DNER: variants seen among roughly 807,000 people sequenced by gnomAD.
DNER encodes delta and Notch-like epidermal growth factor-related receptor.
DNER carries 33 observed loss-of-function variants against 78.2 expected under a neutral mutation model. The observed-to-expected ratio is 0.42, with a 90% CI of 0.32 to 0.56. The LOEUF (loss-of-function observed/expected upper bound fraction) is 0.56. Ranked by LOEUF, DNER falls within the 20% of genes least tolerant of loss-of-function variation. The pLI is 0.11. For synonymous variants in DNER, 417 were observed against 384.8 expected, an observed-to-expected ratio of 1.08 and a Z score of -0.98; for missense variants, 918 against 975.3, an observed-to-expected ratio of 0.94 and a Z score of 0.78.
At chr2:229,478,981 A>G (rs555432199) in intron 6 of DNER, among the ~76,000 whole-genome samples, 107 of 151,990 alleles carry the variant, frequency 7.0e-4, no homozygotes, top group Non-Finnish European at 1.3e-3. Context: ...CCCACTCCCA[A>G]CAGGCCCCAG....
chr2:229,639,527 TA>T (rs1364582334), intron 1 of DNER, among the ~76,000 whole-genome samples: 1 of 152,230 alleles, frequency 6.6e-6, no homozygotes, highest in Non-Finnish European at 1.5e-5. Flanking sequence ...GTGCTGGGAT[TA>T]CAGGCATGAG....
chr2:229,690,236 G>A lies in DNER; in HGVS notation c.276+23912C>T, dbSNP rs142838166. 2.2e-3 allele frequency among the ~76,000 whole-genome samples: 342 copies of A among 152,264 alleles called. 1 individual carries two copies. Among genetic ancestry groups the A allele is most frequent in the African/African-American group, 7.9e-3 (328 of 41,542 alleles). ...ATTTGCATTTTAAAGCTCACCTAGA[G>A]GTCTAATATGTGGCCTGGGTTGAGA... is the stretch of plus-strand genomic sequence containing the variant. On this transcript the variant is annotated intron_variant, in intron 1 of 12. Coordinates refer to ENST00000341772, the MANE Select transcript of DNER (RefSeq NM_139072.4).
chr2:229,588,473 C>T lies in DNER; in HGVS notation c.601G>A (p.Ala201Thr). 1 of 1,523,240 alleles carries T rather than the reference C, an allele frequency of 6.6e-7. No individual in the cohort carries two copies. 94.4% of individuals were successfully genotyped at this position (1,523,240 alleles called of 1,614,324 possible). The change falls in exon 3 of 13, where the codon GCC (alanine) becomes ACC (threonine). Residue 201 changes from alanine (A) to threonine (T), a missense_variant. Physicochemically the swap from Ala to Thr is moderately conservative, Grantham distance 58 (BLOSUM62 0). Coordinates refer to ENST00000341772, the MANE Select transcript of DNER (RefSeq NM_139072.4). ...WDQVEVIPDIACGNASSNSSA... is the reference protein window; with the variant it reads ...WDQVEVIPDITCGNASSNSSA... ...CTGTTAGAACTGGCATTCCCACAGGCAATATCTGGGATCACCTGGGAAGGG... is the reference window on the plus strand; with the variant it reads ...CTGTTAGAACTGGCATTCCCACAGGTAATATCTGGGATCACCTGGGAAGGG...
chr2:229,543,145 C>G (rs1479877911), intron 5 of DNER, among the ~76,000 whole-genome samples: 1 of 150,042 alleles, frequency 6.7e-6, no homozygotes, highest in Non-Finnish European at 1.5e-5. Flanking sequence ...TACCCTAAAA[C>G]TTAAAGTATT....
intron 6 of DNER, among the ~76,000 whole-genome samples, chr2:229,508,811 G>A (rs1397033952): frequency 2.0e-5 from 3 of 152,132 alleles, no homozygotes; most frequent in African/African-American, 7.2e-5. Flanking sequence ...AACCTGGGAG[G>A]CGGAGCTTGC....
At chr2:229,654,058 C>T (rs1698868565) in intron 1 of DNER, among the ~76,000 whole-genome samples, 2 of 152,112 alleles carry the variant, frequency 1.3e-5, no homozygotes, top group African/African-American at 4.8e-5. Flanking sequence ...TGTTGGTGTG[C>T]TGCACCCATT....
chr2:229,601,995 A>G (rs1216577943), intron 1 of DNER, among the ~76,000 whole-genome samples: 3 of 150,364 alleles, frequency 2.0e-5, no homozygotes, highest in African/African-American at 7.5e-5. Context: ...CTCAAATGAA[A>G]TGCTTTTTTT....
chr2:229,396,031 T>C (rs1277827822), intron 10 of DNER, among the ~76,000 whole-genome samples: 2 of 152,200 alleles, frequency 1.3e-5, no homozygotes, highest in African/African-American at 2.4e-5. Context: ...GAGATGTAAA[T>C]TTCCTACCTT....
intron 1 of DNER, among the ~76,000 whole-genome samples, chr2:229,710,051 T>A: frequency 6.6e-6 from 1 of 152,212 alleles, no homozygotes; most frequent in Non-Finnish European, 1.5e-5. Flanking sequence ...ACATTTTTTT[T>A]ATGTAGTGTC....
At position 229,404,699 on chromosome 2, in the gene DNER, A is replaced by AT. The variant is rs556473774; in HGVS notation, c.1723+2532dup. Among the ~76,000 whole-genome samples the AT allele has an allele frequency of 2.4e-3, 360 of 152,294 alleles. 1 individual carries two copies. The highest frequency in any genetic ancestry group is 4.1e-3 in the Non-Finnish European group (281 of 68,026). The stretch of plus-strand genomic sequence containing the variant: ...GATCTGAGTTTGGGGTGTCTCTGAG[A>AT]TTTTCAAGATATATGTGGAGTAGAT... On this transcript the variant is annotated intron_variant, in intron 10 of 12. Coordinates refer to ENST00000341772, the MANE Select transcript of DNER (RefSeq NM_139072.4).
chr2:229,609,498 C>T (rs992817346), intron 1 of DNER, among the ~76,000 whole-genome samples: 2 of 152,226 alleles, frequency 1.3e-5, no homozygotes, highest in African/African-American at 4.8e-5. Context: ...CAACCACACT[C>T]ATTCGTTTTA....
At chr2:229,551,418 G>A (rs1696733926) in intron 4 of DNER, among the ~76,000 whole-genome samples, 2 of 152,018 alleles carry the variant, frequency 1.3e-5, no homozygotes, top group Non-Finnish European at 2.9e-5. Flanking sequence ...TGGATCACCT[G>A]AGGTCAGGAT....
intron 1 of DNER, among the ~76,000 whole-genome samples, chr2:229,652,977 CT>C (rs1360036774): frequency 3.3e-5 from 5 of 152,082 alleles, no homozygotes; most frequent in African/African-American, 1.2e-4. Flanking sequence ...CACACAAAAT[CT>C]TTCTTCTCCC....
chr2:229,427,127 T>C (rs1188000946), intron 8 of DNER, among the ~76,000 whole-genome samples: 1 of 152,204 alleles, frequency 6.6e-6, no homozygotes, highest in Non-Finnish European at 1.5e-5. Flanking sequence ...TAAATTAAAG[T>C]TTTTGACTGT....
intron 1 of DNER, among the ~76,000 whole-genome samples, chr2:229,618,247 T>C (rs1262270303): frequency 6.6e-6 from 1 of 152,134 alleles, no homozygotes; most frequent in African/African-American, 2.4e-5. Context: ...AAATACATAG[T>C]GTTATTACAC....
At chr2:229,480,142 CTT>C (rs1695125318) in intron 6 of DNER, among the ~76,000 whole-genome samples, 1 of 152,178 alleles carries the variant, frequency 6.6e-6, no homozygotes, top group Non-Finnish European at 1.5e-5. Flanking sequence ...TTCCTTTTTA[CTT>C]TTTATCCAAG....
chr2:229,643,686 G>T (rs1055342991), intron 1 of DNER, among the ~76,000 whole-genome samples: 2 of 152,186 alleles, frequency 1.3e-5, no homozygotes, highest in Non-Finnish European at 2.9e-5. Flanking sequence ...GTTTAAATCC[G>T]TGGAAAGTGC....
At chr2:229,525,014 C>T (rs994966630) in intron 5 of DNER, among the ~76,000 whole-genome samples, 3 of 152,224 alleles carry the variant, frequency 2.0e-5, no homozygotes, top group Non-Finnish European at 4.4e-5. Flanking sequence ...ATGCATCACT[C>T]TGATGTGTGG....
chr2:229,414,825 T>C (rs1693608944), intron 9 of DNER, among the ~76,000 whole-genome samples: 1 of 152,074 alleles, frequency 6.6e-6, no homozygotes, highest in Non-Finnish European at 1.5e-5. Flanking sequence ...TCAGTTGACT[T>C]TGAGTTCCTC....
Sources: gnomAD v4.1 joint callset for allele counts (sites outside exome capture counted in the v4.1 genomes callset) on GRCh38, gnomAD v4.1.1 for gene constraint, MANE v1.5 for transcripts, NCBI Gene and HGNC (gene_info 2026-07-23, HGNC 2026-07-21) for gene names.